WIPF1: variants seen among roughly 807,000 people sequenced by gnomAD.
WIPF1 encodes WAS/WASL-interacting protein family member 1.
A neutral mutation model predicts 35.4 loss-of-function variants in WIPF1; 13 were observed. That is an observed-to-expected ratio of 0.37 (90% CI 0.24 to 0.58). The LOEUF (loss-of-function observed/expected upper bound fraction) is 0.58, where lower values mean the gene tolerates loss of function less well. Ranked by LOEUF, WIPF1 falls within the 20% of genes least tolerant of loss-of-function variation. The pLI, the probability that WIPF1 is intolerant of heterozygous loss-of-function variation, is 0.74. For missense variants in WIPF1, 591 were observed against 667.0 expected, an observed-to-expected ratio of 0.89 and a Z score of 1.25; for synonymous variants, 267 against 266.3, an observed-to-expected ratio of 1.00 and a Z score of -0.02.
chr2:174,604,382 A>G (rs948126582), intron 1 of WIPF1, among the ~76,000 whole-genome samples: 5 of 152,352 alleles, frequency 3.3e-5, no homozygotes, highest in Middle Eastern at 6.8e-3. Flanking sequence ...ATTTTTATGT[A>G]TATGCGCAAT....
chr2:174,643,917 T>C (rs960663436), intron 1 of WIPF1, among the ~76,000 whole-genome samples: 1 of 152,182 alleles, frequency 6.6e-6, no homozygotes, highest in Non-Finnish European at 1.5e-5. Flanking sequence ...CCTATCCCCT[T>C]TTCATCCTTT....
At chr2:174,591,439 A>G (rs1203543497) in intron 1 of WIPF1, among the ~76,000 whole-genome samples, 1 of 152,216 alleles carries the variant, frequency 6.6e-6, no homozygotes, top group Non-Finnish European at 1.5e-5. Context: ...ATACGTTAAA[A>G]AATTTAAAAA....
At chr2:174,658,536 C>T (rs1024898372) in intron 1 of WIPF1, among the ~76,000 whole-genome samples, 3 of 152,116 alleles carry the variant, frequency 2.0e-5, no homozygotes, top group Non-Finnish European at 4.4e-5. Flanking sequence ...CTAGCAAAGA[C>T]TGAGTTCATG....
At chr2:174,591,673 T>TACACACACTTACACAC (rs1553529220) in intron 1 of WIPF1, among the ~76,000 whole-genome samples, 4 of 146,724 alleles carry the variant, frequency 2.7e-5, no homozygotes, top group African/African-American at 1.0e-4. Flanking sequence ...CTTTGTTGCT[T>TACACACACTTACACAC]ACACACACAC....
intron 1 of WIPF1, among the ~76,000 whole-genome samples, chr2:174,617,508 G>C (rs139349042): frequency 6.6e-6 from 1 of 152,150 alleles, no homozygotes; most frequent in Non-Finnish European, 1.5e-5. Context: ...TATAGGCATC[G>C]GAGCAAATGG....
intron 1 of WIPF1, among the ~76,000 whole-genome samples, chr2:174,607,210 T>C (rs552247645): frequency 4.6e-5 from 7 of 152,248 alleles, no homozygotes; most frequent in African/African-American, 1.4e-4. Flanking sequence ...GAGACCATCC[T>C]GGCTAACACG....
chr2:174,662,321 C>T (rs909592418), intron 1 of WIPF1, among the ~76,000 whole-genome samples: 11 of 152,312 alleles, frequency 7.2e-5, no homozygotes, highest in African/African-American at 2.2e-4. Context: ...TTTCTATCCT[C>T]GCTTGGCTGG....
chr2:174,669,341 C>CT (rs1343690512), intron 1 of WIPF1, among the ~76,000 whole-genome samples: 6 of 152,184 alleles, frequency 3.9e-5, no homozygotes, highest in African/African-American at 1.4e-4. Context: ...AGTGCTCTAT[C>CT]TCTAGACCTG....
At chr2:174,638,686 G>A (rs1351616568) in intron 1 of WIPF1, among the ~76,000 whole-genome samples, 3 of 151,858 alleles carry the variant, frequency 2.0e-5, no homozygotes, top group South Asian at 4.1e-4. Context: ...CACTTAATAC[G>A]ATGTCCTCCA....
chr2:174,615,340 C>T (rs1686475141), intron 1 of WIPF1, among the ~76,000 whole-genome samples: 1 of 152,106 alleles, frequency 6.6e-6, no homozygotes, highest in African/African-American at 2.4e-5. Flanking sequence ...GGAATCACAT[C>T]AGTTTTTAAT....
chr2:174,576,572 G>A (rs1394658367), intron 3 of WIPF1, among the ~76,000 whole-genome samples: 1 of 152,152 alleles, frequency 6.6e-6, no homozygotes, highest in African/African-American at 2.4e-5. Context: ...CAATTTGAGA[G>A]GGTATAAAGA....
chr2:174,586,781 C>A (rs1024263467), intron 1 of WIPF1, among the ~76,000 whole-genome samples: 6 of 152,170 alleles, frequency 3.9e-5, no homozygotes, highest in African/African-American at 1.4e-4. Flanking sequence ...TGGGCACCAC[C>A]CAGAAGCTGT....
intron 1 of WIPF1, among the ~76,000 whole-genome samples, chr2:174,612,273 CTTTT>C (rs1402143779): frequency 3.9e-5 from 6 of 152,094 alleles, no homozygotes; most frequent in East Asian, 1.9e-4. Context: ...GTTTTTCTTT[CTTTT>C]TGTGTTTGTA....
chr2:174,650,154 ACCCT>A (rs72195946), intron 1 of WIPF1, among the ~76,000 whole-genome samples: 1,568 of 151,872 alleles, frequency 0.01, 35 homozygotes, highest in African/African-American at 0.035. Flanking sequence ...TTCCTTCTAG[ACCCT>A]CCCAGGTACA....
At chr2:174,653,464 G>A (rs536357737) in intron 1 of WIPF1, among the ~76,000 whole-genome samples, 14 of 152,154 alleles carry the variant, frequency 9.2e-5, no homozygotes, top group Admixed American at 3.3e-4. Context: ...GGCCGGGTGC[G>A]GTGGCTCACA....
At chr2:174,658,342 A>C (rs867717399) in intron 1 of WIPF1, among the ~76,000 whole-genome samples, 3 of 152,340 alleles carry the variant, frequency 2.0e-5, no homozygotes, top group Middle Eastern at 3.4e-3. Flanking sequence ...GAACCCTTTC[A>C]CATAATTTTA....
intron 1 of WIPF1, among the ~76,000 whole-genome samples, chr2:174,586,835 G>A (rs944459227): frequency 1.3e-5 from 2 of 152,002 alleles, no homozygotes; most frequent in African/African-American, 2.4e-5. Flanking sequence ...AGCTGAATTC[G>A]TTTCAGCATT....
chr2:174,591,866 C>A (rs1435900201), intron 1 of WIPF1, among the ~76,000 whole-genome samples: 3 of 152,168 alleles, frequency 2.0e-5, no homozygotes, highest in Non-Finnish European at 4.4e-5. Flanking sequence ...ATCTTGCAGC[C>A]TCGACTCACT....
chr2:174,580,863 C>T (rs1685214618), intron 3 of WIPF1, among the ~76,000 whole-genome samples: 1 of 152,168 alleles, frequency 6.6e-6, no homozygotes, highest in Admixed American at 6.5e-5. Flanking sequence ...TCATGACAAA[C>T]TTGTGAGGTC....
Sources: allele counts gnomAD v4.1 joint callset (sites outside exome capture counted in the v4.1 genomes callset), GRCh38; gene constraint gnomAD v4.1.1; transcripts MANE v1.5; gene names NCBI Gene and HGNC (gene_info 2026-07-23, HGNC 2026-07-21).